The following PPIL3 variants were observed in gnomAD, a reference collection of about 807,000 sequenced individuals.
PPIL3 encodes peptidyl-prolyl cis-trans isomerase-like 3.
PPIL3 carries 13 observed loss-of-function variants against 20.9 expected under a neutral mutation model. The observed-to-expected ratio is 0.62, with a 90% confidence interval of 0.40 to 0.99. The LOEUF (loss-of-function observed/expected upper bound fraction) is 0.99, where lower values mean the gene tolerates loss of function less well. Among genes scored for constraint, PPIL3 ranks in the 50% least tolerant of loss-of-function variants. The pLI is 0.00. For synonymous variants in PPIL3, 71 were observed against 64.4 expected (o/e 1.10, Z -0.49); for missense variants, 170 against 195.2 (o/e 0.87, Z 0.77).
intron 1 of PPIL3, 151 bp from the exon 2 acceptor site, chr2:200,887,836 C>T (rs1260365366): frequency 2.7e-6 from 1 of 372,230 alleles, no homozygotes; most frequent in Non-Finnish European, 4.8e-6. Context: ...GCGGGTGGAT[C>T]ACTTGAGGTC....
intron 1 of PPIL3, among the ~76,000 whole-genome samples, 167 bp downstream of exon 1, chr2:200,888,789 G>A (rs1371816958): frequency 6.6e-6 from 1 of 152,162 alleles, no homozygotes; most frequent in Non-Finnish European, 1.5e-5. Context: ...GCCTCCCGAA[G>A]TGCTGGGAGG....
chr2:200,876,957 T>C lies in PPIL3; in HGVS notation c.321A>G (p.Lys107=). ...NGSQFFITYG[K]QPHLDMKYTV... ...TGTATTTCATGTCCAAATGTGGCTG[T>C]TTGCCATAGGTGATGAAGAACTGAG... The change falls in exon 6 of 7, where the codon AAA becomes AAG. Residue 107 remains lysine (K), a synonymous_variant. Transcript: ENST00000392283. 1.9e-6 allele frequency: 3 copies of C among 1,613,648 alleles called. No individual in the cohort carries two copies. The highest frequency in any genetic ancestry group is 2.5e-6 in the Non-Finnish European group (3 of 1,179,538).
intron 2 of PPIL3, among the ~76,000 whole-genome samples, chr2:200,886,495 G>A (rs1029565952): frequency 8.0e-5 from 12 of 150,808 alleles, no homozygotes; most frequent in African/African-American, 1.7e-4. Flanking sequence ...GCGTGATCTC[G>A]GCTCACTACA....
chr2:200,873,521 A>G (rs1190797858), intron 6 of PPIL3, among the ~76,000 whole-genome samples: 1 of 152,090 alleles, frequency 6.6e-6, no homozygotes, highest in Non-Finnish European at 1.5e-5. Context: ...TTGCTTCTGG[A>G]TAACAACAAG....
intron 4 of PPIL3, 21 bp downstream of exon 4, chr2:200,882,321 T>C: frequency 2.1e-5 from 31 of 1,452,880 alleles, no homozygotes; most frequent in Non-Finnish European, 3.0e-5. Flanking sequence ...TCCTTAGATC[T>C]TGGTTAATGG....
At chr2:200,877,685 C>T (rs1312379199) in intron 5 of PPIL3, 1 of 152,124 alleles carries the variant, frequency 6.6e-6, no homozygotes, top group African/African-American at 2.4e-5. Flanking sequence ...GATAAACTGA[C>T]AATTGGGCAG....
chr2:200,878,507 G>A (rs2039602984), intron 5 of PPIL3, among the ~76,000 whole-genome samples: 1 of 150,702 alleles, frequency 6.6e-6, no homozygotes, highest in Admixed American at 6.6e-5. Flanking sequence ...CTTCCACCTT[G>A]GCCTCCTGAG....
intron 5 of PPIL3, among the ~76,000 whole-genome samples, chr2:200,877,813 C>T (rs1283804268): frequency 2.0e-5 from 3 of 152,148 alleles, no homozygotes; most frequent in African/African-American, 7.2e-5. Context: ...GTGGGTGTTC[C>T]ACTCATGGGC....
intron 5 of PPIL3, 83 bp from the exon 6 acceptor site, chr2:200,877,120 T>G: frequency 1.1e-6 from 1 of 933,434 alleles, no homozygotes; most frequent in Admixed American, 1.9e-5. Context: ...GGCACACCTT[T>G]GTTTTCTTTT....
chr2:200,887,679 T>C lies in PPIL3; in HGVS notation c.-64A>G. The stretch of plus-strand genomic sequence containing the variant: ...CTCAGTCTTACAGCGAGCTCAAAAA[T>C]AAGTCTCTAGTCCCAAAAGAAAAAA... On this transcript the variant is annotated 5_prime_UTR_variant, in exon 2 of 7. Coordinates refer to ENST00000392283, the MANE Select transcript of PPIL3 (RefSeq NM_130906.3). 1 of 1,424,932 alleles carries C rather than the reference T, an allele frequency of 7.0e-7. No homozygotes were observed. The highest frequency in any genetic ancestry group is 2.3e-5 in the East Asian group (1 of 42,854). The allele number at this position is 1,424,932 out of a possible 1,614,324, so 88.3% of individuals were successfully genotyped here. A position where few individuals can be genotyped will look rare whatever the true frequency, so the allele number is the denominator to read the frequency against.
At chr2:200,876,384 C>A (rs1289451292) in intron 6 of PPIL3, among the ~76,000 whole-genome samples, 1 of 152,014 alleles carries the variant, frequency 6.6e-6, no homozygotes, top group Non-Finnish European at 1.5e-5. Flanking sequence ...TTACTGGCCT[C>A]TTTTACAAAA....
intron 3 of PPIL3, among the ~76,000 whole-genome samples, 181 bp from the exon 4 acceptor site, chr2:200,882,616 T>C (rs1470433987): frequency 1.3e-5 from 2 of 152,118 alleles, no homozygotes; most frequent in Non-Finnish European, 2.9e-5. Flanking sequence ...TGAAATAAAA[T>C]ACAAAATCTT....
At chr2:200,874,472 T>C (rs2039439754) in intron 6 of PPIL3, among the ~76,000 whole-genome samples, 1 of 152,140 alleles carries the variant, frequency 6.6e-6, no homozygotes, top group Non-Finnish European at 1.5e-5. Context: ...AACGGACCCC[T>C]TGGAGAACTA....
Position 200,871,655 on chromosome 2 carries a change from C to G in PPIL3, c.360-134G>C, listed in dbSNP as rs1004136519. 4 of 748,308 alleles carry G rather than the reference C, an allele frequency of 5.3e-6. No individual in the cohort carries two copies. In the African/African-American group the frequency reaches 7.1e-5, roughly 13 times the overall value. The allele number at this position is 748,308 out of a possible 1,614,324, so 46.4% of individuals were successfully genotyped here. On this transcript the variant is annotated intron_variant, in intron 6 of 6. Coordinates refer to ENST00000392283, the MANE Select transcript of PPIL3 (RefSeq NM_130906.3). ...CTGAGTTCTCTAGTTGAATGTACAA[C>G]AAAATGTTGATTTTCCATCATAGAT...
chr2:200,877,201 T>C (rs2039555676), intron 5 of PPIL3, among the ~76,000 whole-genome samples, 164 bp from the exon 6 acceptor site: 1 of 152,104 alleles, frequency 6.6e-6, no homozygotes, highest in African/African-American at 2.4e-5. Context: ...GCTCAAGTGA[T>C]CCTCCTGCCT....
chr2:200,880,032 T>A (rs534971372), intron 5 of PPIL3, among the ~76,000 whole-genome samples: 1 of 152,198 alleles, frequency 6.6e-6, no homozygotes, highest in African/African-American at 2.4e-5. Context: ...TTCCTTACAA[T>A]AGAAAAGTAA....
chr2:200,889,107 GCCTCACCT>G, upstream of PPIL3: 1 of 465,388 alleles, frequency 2.1e-6, no homozygotes, highest in Non-Finnish European at 4.4e-6. Flanking sequence ...GCCCCTTACC[GCCTCACCT>G]CCTTCCTCCC....
At chr2:200,880,593 C>T (rs1032007092) in intron 5 of PPIL3, among the ~76,000 whole-genome samples, 1 of 151,662 alleles carries the variant, frequency 6.6e-6, no homozygotes, top group East Asian at 1.9e-4. Context: ...ACTATGTTGC[C>T]CAGGCTGGTT....
chr2:200,887,257 G>T (rs1341671267), intron 2 of PPIL3, among the ~76,000 whole-genome samples: 1 of 151,488 alleles, frequency 6.6e-6, no homozygotes, highest in African/African-American at 2.4e-5. Flanking sequence ...GTGGTGGCAG[G>T]CGCGTGTAAT....
Sources: allele counts gnomAD v4.1 joint callset (sites outside exome capture counted in the v4.1 genomes callset), GRCh38; gene constraint gnomAD v4.1.1; transcripts MANE v1.5; gene names NCBI Gene and HGNC (gene_info 2026-07-23, HGNC 2026-07-21).